LONP2: variants seen among roughly 807,000 people sequenced by gnomAD.
LONP2 encodes lon peptidase 2, peroxisomal.
LONP2 carries 60 observed loss-of-function variants against 85.6 expected under a neutral mutation model. The observed-to-expected ratio is 0.70, with a 90% CI of 0.57 to 0.87. The LOEUF (loss-of-function observed/expected upper bound fraction) is 0.87, where lower values mean the gene tolerates loss of function less well. Ranked by LOEUF, LONP2 falls within the 40% of genes least tolerant of loss-of-function variation. LONP2 has a pLI of 0.00. For synonymous variants in LONP2, 395 were observed against 389.7 expected (o/e 1.01, Z -0.16); for missense variants, 860 against 1,063.5 (o/e 0.81, Z 2.66).
intron 12 of LONP2, among the ~76,000 whole-genome samples, chr16:48,337,370 A>G (rs1959683479): frequency 6.6e-6 from 1 of 152,162 alleles, no homozygotes. Context: ...GGCTGGGCTC[A>G]ACTTGTTGAC....
At chr16:48,247,135 A>G (rs987714436) in intron 1 of LONP2, among the ~76,000 whole-genome samples, 12 of 152,300 alleles carry the variant, frequency 7.9e-5, no homozygotes, top group Non-Finnish European at 1.2e-4. Context: ...TAAAAAGCCT[A>G]TGTGGAAAGA....
chr16:48,276,714 G>A (rs1385681681), intron 7 of LONP2, among the ~76,000 whole-genome samples: 1 of 152,176 alleles, frequency 6.6e-6, no homozygotes, highest in African/African-American at 2.4e-5. Flanking sequence ...GATGAATACA[G>A]TTTTGTTCAA....
intron 11 of LONP2, among the ~76,000 whole-genome samples, chr16:48,326,826 T>C (rs993546540): frequency 2.6e-5 from 4 of 152,248 alleles, no homozygotes; most frequent in Non-Finnish European, 5.9e-5. Context: ...TTCCTCCCTC[T>C]TCCCACAGCA....
At chr16:48,358,807 T>C (rs1161554924), downstream of LONP2, among the ~76,000 whole-genome samples, 1 of 152,052 alleles carries the variant, frequency 6.6e-6, no homozygotes, top group Non-Finnish European at 1.5e-5. Context: ...TGACAGAGGA[T>C]GAGCATATGT....
intron 11 of LONP2, among the ~76,000 whole-genome samples, chr16:48,333,671 GGA>G (rs984305249): frequency 1.3e-5 from 2 of 151,360 alleles, no homozygotes; most frequent in Non-Finnish European, 2.9e-5. Flanking sequence ...AGTGTTGGGG[GGA>G]GAGAGAGAAA....
intron 11 of LONP2, among the ~76,000 whole-genome samples, chr16:48,308,330 T>G (rs1432025211): frequency 1.3e-5 from 2 of 151,990 alleles, no homozygotes; most frequent in Non-Finnish European, 2.9e-5. Context: ...TTATTTTATA[T>G]AAAAATCAAC....
At chr16:48,269,131 CT>C (rs1459253708) in intron 6 of LONP2, among the ~76,000 whole-genome samples, 3 of 151,454 alleles carry the variant, frequency 2.0e-5, no homozygotes, top group Admixed American at 2.0e-4. Context: ...CAAAGCCTAA[CT>C]CATACACTTC....
chr16:48,349,057 GACT>G (rs1373473293), intron 14 of LONP2, among the ~76,000 whole-genome samples: 1 of 152,052 alleles, frequency 6.6e-6, no homozygotes, highest in African/African-American at 2.4e-5. Flanking sequence ...CATATCTAAT[GACT>G]ACATTTTGAA....
rs1052870738 is a variant in LONP2 at position 48,262,891 on chromosome 16, C to A, written c.982+19C>A. The A allele has an allele frequency of 2.7e-6, 4 of 1,498,478 alleles. No individual in the cohort carries two copies. Among genetic ancestry groups the A allele is most frequent in the Non-Finnish European group, 3.7e-6 (4 of 1,081,852 alleles). The allele number at this position is 1,498,478 out of a possible 1,614,324, so 92.8% of individuals were successfully genotyped here. A position where few individuals can be genotyped will look rare whatever the true frequency, so the allele number is the denominator to read the frequency against. On this transcript the variant is annotated intron_variant, in intron 6 of 14. Transcript: ENST00000285737. The stretch of plus-strand genomic sequence containing the variant: ...ACAACTGGTAAGCCAAAAAATAACA[C>A]CTGTTTTGCAGTCTAATTGTCACTC...
chr16:48,322,810 T>C (rs1242164979), intron 11 of LONP2, among the ~76,000 whole-genome samples: 2 of 152,226 alleles, frequency 1.3e-5, no homozygotes, highest in African/African-American at 2.4e-5. Context: ...TATTATGTAC[T>C]GTATGTAATT....
At chr16:48,282,256 C>G (rs889174773) in intron 8 of LONP2, among the ~76,000 whole-genome samples, 1 of 151,846 alleles carries the variant, frequency 6.6e-6, no homozygotes, top group East Asian at 1.9e-4. Flanking sequence ...TAAAAACCCA[C>G]AAAAATTAGC....
At chr16:48,314,378 C>T (rs1596976133) in intron 11 of LONP2, among the ~76,000 whole-genome samples, 1 of 151,988 alleles carries the variant, frequency 6.6e-6, no homozygotes. Flanking sequence ...AATCTTTGCC[C>T]GTGCCTATGT....
At position 48,351,655 on chromosome 16, in the gene LONP2, T is replaced by C; in HGVS notation, c.2412T>C (p.Asn804=). Residue 804 remains asparagine (N), a synonymous_variant, in exon 15 of 15, where the codon AAT becomes AAC. Coordinates refer to ENST00000285737, the MANE Select transcript of LONP2 (RefSeq NM_031490.5). ...GLKQVIIPRR[N]EKDLEGIPGN... is the part of the protein sequence containing the mutation. ...AGCAAGTCATTATTCCTCGGAGAAA[T>C]GAAAAAGACCTTGAGGGAATCCCAG... is the stretch of plus-strand genomic sequence containing the variant. The C allele has an allele frequency of 6.2e-7, 1 of 1,614,044 alleles. No individual in the cohort carries two copies. The highest frequency in any genetic ancestry group is 8.5e-7 in the Non-Finnish European group (1 of 1,180,006).
chr16:48,316,552 C>G (rs1013984712), intron 11 of LONP2, among the ~76,000 whole-genome samples: 1 of 151,598 alleles, frequency 6.6e-6, no homozygotes, highest in Non-Finnish European at 1.5e-5. Flanking sequence ...GTCTTGAACT[C>G]CTGACCTCAA....
At chr16:48,351,524 G>T in intron 14 of LONP2, 57 bp from the exon 15 acceptor site, 1 of 1,388,778 alleles carries the variant, frequency 7.2e-7, no homozygotes, top group Non-Finnish European at 9.9e-7. Context: ...CTGGGTCAGG[G>T]TTTCTTTCAG....
intron 2 of LONP2, 120 bp downstream of exon 2, chr16:48,252,485 AAC>A (rs1971675995): frequency 3.5e-6 from 2 of 564,298 alleles, no homozygotes; most frequent in Non-Finnish European, 6.1e-6. Context: ...ATGAGTTAGT[AAC>A]ATTATATATT....
chr16:48,312,979 A>G (rs1973066589), intron 11 of LONP2, among the ~76,000 whole-genome samples: 1 of 152,136 alleles, frequency 6.6e-6, no homozygotes, highest in African/African-American at 2.4e-5. Flanking sequence ...AGCCCCCTGA[A>G]TGGGTACTTA....
At chr16:48,339,404 A>C (rs995493665) in intron 12 of LONP2, among the ~76,000 whole-genome samples, 2 of 152,160 alleles carry the variant, frequency 1.3e-5, no homozygotes, top group African/African-American at 4.8e-5. Flanking sequence ...ACAAGGAAGG[A>C]GTGGTGGGGA....
At chr16:48,343,240 G>A (rs765572637) in intron 12 of LONP2, among the ~76,000 whole-genome samples, 23 of 152,128 alleles carry the variant, frequency 1.5e-4, no homozygotes, top group Admixed American at 3.3e-4. Flanking sequence ...TCCCTCTGAT[G>A]GGTCTATACG....
Sources: allele counts gnomAD v4.1 joint callset (sites outside exome capture counted in the v4.1 genomes callset), GRCh38; gene constraint gnomAD v4.1.1; transcripts MANE v1.5; gene names NCBI Gene and HGNC (gene_info 2026-07-23, HGNC 2026-07-21).